FBLN2: variants seen among roughly 807,000 people sequenced by gnomAD.
FBLN2 encodes the protein fibulin 2, also known as fibulin-2.
Under a neutral mutation model 123.7 loss-of-function variants are expected in FBLN2, and 81 were observed. The ratio of observed to expected loss-of-function variants is 0.65; its 90% CI spans 0.55 to 0.79. The LOEUF (loss-of-function observed/expected upper bound fraction) is 0.79, where lower values mean the gene tolerates loss of function less well. FBLN2 is among the 30% of genes least tolerant of loss of function. The pLI is 0.00. For missense variants in FBLN2, 1,603 were observed against 1,681.3 expected (o/e 0.95, Z 0.81); for synonymous variants, 699 against 701.4 (o/e 1.00, Z 0.05).
Position 13,571,615 on chromosome 3 carries a change from C to A in FBLN2, c.1260C>A (p.Asp420Glu), listed in dbSNP as rs1252054780. ...TGCCCCATTCCCACGTGGAGGAGGA[C>A]ACAGACCCCAACTCTGTCCATTCTA... ...QVLPHSHVEE[D>E]TDPNSVHSIP... The change falls in exon 2 of 18, where the codon GAC becomes GAA. Residue 420 changes from aspartate (D) to glutamate (E), a missense_variant. Coordinates refer to ENST00000404922, the MANE Select transcript of FBLN2 (RefSeq NM_001004019.2). The A allele has an allele frequency of 5.6e-6, 9 of 1,610,996 alleles. No individual in the cohort carries two copies. The highest frequency in any genetic ancestry group is 1.3e-5 in the African/African-American group (1 of 74,926).
At chr3:13,613,848 C>A in intron 4 of FBLN2, 136 bp from the exon 5 acceptor site, 1 of 955,760 alleles carries the variant, frequency 1.0e-6, no homozygotes, top group Non-Finnish European at 1.5e-6. Flanking sequence ...GAGGACCCCT[C>A]TGCCCTGGGA....
In FBLN2 at chr3:13,626,519, C is replaced by T. The variant is rs1280116675; in HGVS notation, c.2371C>T (p.His791Tyr). 3.2e-6 allele frequency: 5 copies of T among 1,562,274 alleles called. No homozygotes were observed. Among genetic ancestry groups the T allele is most frequent in the Non-Finnish European group, 4.3e-6 (5 of 1,153,072 alleles). The stretch of plus-strand genomic sequence containing the variant: ...CTGTGTGAACACACTGGGCTCCTTC[C>T]ACTGCTACAAGGCACTCACCTGTGA... ...EHCVNTLGSFHCYKALTCEPG... is the reference protein window; with the variant it reads ...EHCVNTLGSFYCYKALTCEPG... Residue 791 changes from histidine (H) to tyrosine (Y), a missense_variant, in exon 10 of 18, where the codon CAC becomes TAC. His to Tyr is a moderately conservative substitution (Grantham distance 83). Coordinates refer to ENST00000404922, the MANE Select transcript of FBLN2 (RefSeq NM_001004019.2).
intron 1 of FBLN2, among the ~76,000 whole-genome samples, chr3:13,561,702 T>C (rs1443075989): frequency 6.6e-6 from 1 of 152,202 alleles, no homozygotes; most frequent in East Asian, 1.9e-4. Flanking sequence ...CGCCCTTATC[T>C]CTTCCCCCCA....
At position 13,571,368 on chromosome 3, in the gene FBLN2, A is replaced by G. The variant is rs751303130; in HGVS notation, c.1013A>G (p.Glu338Gly). The G allele has an allele frequency of 6.2e-7, 1 of 1,612,744 alleles. No individual in the cohort carries two copies. The highest frequency in any genetic ancestry group is 1.7e-5 in the Admixed American group (1 of 59,860). ...GCAGAAGCTGGGGCAAGGCCTGAAG[A>G]GAACCTCATCCTGGATGCCCAAGCC... ...ARAEAGARPE[E>G]NLILDAQATS... The change falls in exon 2 of 18, where the codon GAG (glutamate) becomes GGG (glycine). Residue 338 changes from glutamate (E) to glycine (G), a missense_variant. Glu to Gly is a moderately conservative substitution (Grantham distance 98). Transcript: ENST00000404922.
In FBLN2 at chr3:13,570,377, G is replaced by T; in HGVS notation, c.22G>T (p.Ala8Ser). The change falls in exon 2 of 18, where the codon GCA (alanine) becomes TCA (serine). Residue 8 changes from alanine (A) to serine (S), a missense_variant. Ala to Ser is a moderately conservative substitution (Grantham distance 99). Transcript: ENST00000404922. The stretch of plus-strand genomic sequence containing the variant: ...GACCATGGTGCTGCTCTGGGAGCCT[G>T]CAGGAGCCTGGCTTGCTCTGGGCCT... MVLLWEP[A>S]GAWLALGLAL... 6.4e-7 allele frequency: 1 copy of T among 1,570,380 alleles called. No homozygotes were observed. The highest frequency in any genetic ancestry group is 1.2e-5 in the South Asian group (1 of 85,490).
chr3:13,628,013 T>C, intron 11 of FBLN2, 44 bp downstream of exon 11: 1 of 1,581,184 alleles, frequency 6.3e-7, no homozygotes, highest in African/African-American at 1.4e-5. Context: ...CCTAGGGCTC[T>C]ACTGGAGGCA....
intron 2 of FBLN2, among the ~76,000 whole-genome samples, chr3:13,591,041 A>C: frequency 6.6e-6 from 1 of 152,186 alleles, no homozygotes; most frequent in East Asian, 1.9e-4. Flanking sequence ...TGAGAGTTCC[A>C]TTTGCTCCAC....
chr3:13,616,941 C>A (rs370308287), intron 5 of FBLN2, among the ~76,000 whole-genome samples: 1 of 152,192 alleles, frequency 6.6e-6, no homozygotes, highest in South Asian at 2.1e-4. Flanking sequence ...AGATTTGGAG[C>A]CCTTTCTGCT....
chr3:13,571,020 A>G lies in FBLN2; in HGVS notation c.665A>G (p.Gln222Arg), dbSNP rs1344000738. The G allele has an allele frequency of 1.3e-6, 2 of 1,583,560 alleles. No individual in the cohort carries two copies. The highest frequency in any genetic ancestry group is 1.7e-6 in the Non-Finnish European group (2 of 1,165,578). The change falls in exon 2 of 18, where the codon CAG becomes CGG. Residue 222 changes from glutamine to arginine, a missense_variant. Coordinates refer to ENST00000404922, the MANE Select transcript of FBLN2 (RefSeq NM_001004019.2). ...GGTGAGGTCCAGGCGGGTGCAGTCCAGGCAGGCGCAGGGGGCCCCCCAGCT... is the reference window on the plus strand; with the variant it reads ...GGTGAGGTCCAGGCGGGTGCAGTCCGGGCAGGCGCAGGGGGCCCCCCAGCT... ...LGGEVQAGAV[Q>R]AGAGGPPAAL...
intron 1 of FBLN2, among the ~76,000 whole-genome samples, chr3:13,567,304 G>A (rs752562322): frequency 4.7e-4 from 71 of 152,204 alleles, no homozygotes; most frequent in Non-Finnish European, 9.6e-4. Context: ...TCATGCCTAG[G>A]TGTGTGATGC....
At chr3:13,585,941 A>G (rs1704482433) in intron 2 of FBLN2, among the ~76,000 whole-genome samples, 1 of 152,206 alleles carries the variant, frequency 6.6e-6, no homozygotes, top group East Asian at 1.9e-4. Context: ...ACTGTGCGCT[A>G]GTGTGTTATT....
Position 13,629,898 on chromosome 3 carries a change from C to T in FBLN2, c.2921C>T (p.Ser974Phe). ...CENTLGSYRC[S>F]CASGFLLAAD... is the part of the protein sequence containing the mutation. ...AACACACTCGGCTCCTACCGCTGTTCCTGCGCCTCCGGGTTCCTGCTAGCA... is the reference window on the plus strand; with the variant it reads ...AACACACTCGGCTCCTACCGCTGTTTCTGCGCCTCCGGGTTCCTGCTAGCA... The change falls in exon 14 of 18, where the codon TCC becomes TTC. Residue 974 changes from serine to phenylalanine, a missense_variant. Physicochemically the swap from Ser to Phe is radical, Grantham distance 155 (BLOSUM62 -2). Transcript: ENST00000404922. The T allele has an allele frequency of 6.2e-7, 1 of 1,606,596 alleles. No homozygotes were observed. Among genetic ancestry groups the T allele is most frequent in the Non-Finnish European group, 8.5e-7 (1 of 1,177,356 alleles).
intron 9 of FBLN2, among the ~76,000 whole-genome samples, chr3:13,624,480 G>A (rs1705956911): frequency 6.6e-6 from 1 of 152,180 alleles, no homozygotes; most frequent in African/African-American, 2.4e-5. Context: ...GGAAACCACT[G>A]GCCCAGAACT....
At chr3:13,584,091 CT>C (rs1704422737) in intron 2 of FBLN2, among the ~76,000 whole-genome samples, 1 of 152,194 alleles carries the variant, frequency 6.6e-6, no homozygotes, top group Admixed American at 6.5e-5. Flanking sequence ...GCAGTCGCTC[CT>C]GCTGTTGCCC....
chr3:13,636,001 A>G lies in FBLN2; in HGVS notation c.3215-444A>G, dbSNP rs558760872. On this transcript the variant is annotated intron_variant, in intron 16 of 17. Coordinates refer to ENST00000404922, the MANE Select transcript of FBLN2 (RefSeq NM_001004019.2). ...GGGGGTGACTCAAGATCTGAGAGTT[A>G]AAAGATGAGAAGCCTCCAGCAGTAG... Among the ~76,000 whole-genome samples the G allele has an allele frequency of 2.0e-5, 3 of 152,178 alleles. No individual in the cohort carries two copies. The South Asian group carries it at 6.2e-4, about 32-fold the overall frequency.
At chr3:13,558,188 G>T (rs1261375436) in intron 1 of FBLN2, among the ~76,000 whole-genome samples, 3 of 152,184 alleles carry the variant, frequency 2.0e-5, no homozygotes, top group African/African-American at 7.2e-5. Context: ...AGGGAGCCTG[G>T]TTCTGCCGTA....
intron 7 of FBLN2, among the ~76,000 whole-genome samples, chr3:13,619,361 TTTG>T (rs1373982918): frequency 2.6e-5 from 4 of 151,428 alleles, no homozygotes; most frequent in African/African-American, 9.8e-5. Flanking sequence ...AGTCCTCTTC[TTTG>T]TTGTTCTTCT....
chr3:13,636,840 C>G lies in FBLN2; in HGVS notation c.3338+272C>G, dbSNP rs1706490501. On this transcript the variant is annotated intron_variant, in intron 17 of 17. Transcript: ENST00000404922. ...GTTACTGCTGTGTGACCAGTTATCC[C>G]AACCAACATTTAGCACCAGAATACA... 2.0e-5 allele frequency among the ~76,000 whole-genome samples: 3 copies of G among 152,244 alleles called. 1 individual carries two copies. The South Asian group carries it at 6.2e-4, about 31-fold the overall frequency.
intron 1 of FBLN2, among the ~76,000 whole-genome samples, chr3:13,566,039 G>A (rs562330564): frequency 2.6e-5 from 4 of 152,322 alleles, no homozygotes; most frequent in South Asian, 4.1e-4. Flanking sequence ...GTCCCCACCC[G>A]GGAGGGCTGG....
Sources: gnomAD v4.1 joint callset for allele counts (sites outside exome capture counted in the v4.1 genomes callset) on GRCh38, gnomAD v4.1.1 for gene constraint, MANE v1.5 for transcripts, NCBI Gene and HGNC (gene_info 2026-07-23, HGNC 2026-07-21) for gene names.